The following ITPKB variants were observed in gnomAD, a reference collection of about 807,000 sequenced individuals.
ITPKB encodes IP3 3-kinase B.
Under a neutral mutation model 69.4 loss-of-function variants are expected in ITPKB, and 13 were observed. The observed-to-expected ratio is 0.19, with a 90% CI of 0.12 to 0.30. The LOEUF (loss-of-function observed/expected upper bound fraction) is 0.30, where lower values mean the gene tolerates loss of function less well. Ranked by LOEUF, ITPKB falls within the 10% of genes least tolerant of loss-of-function variation. ITPKB has a pLI of 1.00. For synonymous variants in ITPKB, 584 were observed against 513.7 expected (o/e 1.14, Z -1.85); for missense variants, 1,240 against 1,250.5 (o/e 0.99, Z 0.13).
chr1:226,669,912 C>T (rs910231489), intron 2 of ITPKB, among the ~76,000 whole-genome samples: 7 of 149,478 alleles, frequency 4.7e-5, no homozygotes, highest in African/African-American at 1.5e-4. Context: ...CTCGAACTGT[C>T]GCCCAGGCTG....
In ITPKB at chr1:226,736,938, G is replaced by A. The variant is rs1657797106; in HGVS notation, c.521C>T (p.Ser174Leu). The A allele has an allele frequency of 6.2e-7, 1 of 1,611,222 alleles. No homozygotes were observed. ...GCTGCGGAAGGGGCACGGGGAGGGC[G>A]AGCGAGCCCTGCCCAAACGCGGGCT... ...PRSPRLGRARSPSPCPFRSSS... is the reference protein window; with the variant it reads ...PRSPRLGRARLPSPCPFRSSS... Residue 174 changes from serine (S) to leucine (L), a missense_variant, in exon 2 of 8, where the codon TCG becomes TTG. Physicochemically the swap from Ser to Leu is moderately radical, Grantham distance 145. This residue lies in a region of ITPKB where 992 missense variants were observed against 853.8 expected (regional missense o/e 1.16). Coordinates refer to ENST00000429204, the MANE Select transcript of ITPKB (RefSeq NM_002221.4).
intron 2 of ITPKB, among the ~76,000 whole-genome samples, chr1:226,667,138 C>T (rs1368310838): frequency 9.2e-5 from 14 of 152,170 alleles, no homozygotes; most frequent in Non-Finnish European, 5.9e-5. Context: ...TCCCCTATAC[C>T]TCACACACGC....
rs1189440013 is a variant in ITPKB at position 226,738,510 on chromosome 1, G to A, written c.-206+531C>T. Among the ~76,000 whole-genome samples, 1 of 152,224 alleles carries A rather than the reference G, an allele frequency of 6.6e-6. No individual in the cohort carries two copies. The highest frequency in any genetic ancestry group is 1.5e-5 in the Non-Finnish European group (1 of 68,026). On this transcript the variant is annotated intron_variant, in intron 1 of 7. Transcript: ENST00000429204. The surrounding 1 kb of genome is among the most constrained non-coding windows in gnomAD (Gnocchi z 4.2). ...TGTGTGTATACGCCGCACGCGCGCG[G>A]AGCGAGTCCGCTCTCAGCGCGCCCT...
In ITPKB at chr1:226,633,963, G is replaced by A. The variant is rs1668774402; in HGVS notation, c.*708C>T. The A allele has an allele frequency of 6.6e-6, 1 of 152,300 alleles. No individual in the cohort carries two copies. The highest frequency in any genetic ancestry group is 6.5e-5 in the Admixed American group (1 of 15,284). The allele number at this position is 152,300 out of a possible 1,614,324, so 9.4% of individuals were successfully genotyped here. A position where few individuals can be genotyped will look rare whatever the true frequency, so the allele number is the denominator to read the frequency against. ...GCACAGCTTCTGCTCGCCTCCTCTG[G>A]GAAGGCCTAGATCAGAGAACACAGC... On this transcript the variant is annotated 3_prime_UTR_variant, in exon 8 of 8. Coordinates refer to ENST00000429204, the MANE Select transcript of ITPKB (RefSeq NM_002221.4).
rs1160552773 is a variant in ITPKB, at chr1:226,686,091, G to A, written c.1933-37320C>T. ...GGAATGGCAGATAAAGCGACCCCCC[G>A]CCCTAAAAGGCTTACCAGGGCACTT... On this transcript the variant is annotated intron_variant, in intron 2 of 7. Coordinates refer to ENST00000429204, the MANE Select transcript of ITPKB (RefSeq NM_002221.4). 1.3e-4 allele frequency among the ~76,000 whole-genome samples: 19 copies of A among 150,658 alleles called. 1 individual carries two copies. The highest frequency in any genetic ancestry group is 5.9e-4 in the East Asian group (3 of 5,072).
chr1:226,727,135 AATCT>A (rs1220234913), intron 2 of ITPKB, among the ~76,000 whole-genome samples: 2 of 152,232 alleles, frequency 1.3e-5, no homozygotes, highest in Admixed American at 1.3e-4. Context: ...TATTTTATTA[AATCT>A]ATCATTCAGA....
chr1:226,648,014 T>C (rs1322084315), intron 3 of ITPKB, among the ~76,000 whole-genome samples: 1 of 152,240 alleles, frequency 6.6e-6, no homozygotes, highest in Non-Finnish European at 1.5e-5. Flanking sequence ...AGGCAGCCCC[T>C]GACATGTCTC....
At chr1:226,636,184 G>T (rs1169490581) in intron 7 of ITPKB, among the ~76,000 whole-genome samples, 2 of 152,242 alleles carry the variant, frequency 1.3e-5, no homozygotes, top group African/African-American at 4.8e-5. Flanking sequence ...GGCCCCTGGG[G>T]TCAGGCAGCC....
intron 4 of ITPKB, among the ~76,000 whole-genome samples, chr1:226,646,387 A>T (rs1377444655): frequency 1.3e-5 from 2 of 152,148 alleles, no homozygotes; most frequent in Non-Finnish European, 2.9e-5. Flanking sequence ...CCGGCTGCCT[A>T]AAACTGAGCC....
At chr1:226,734,514 C>T (rs979720100) in intron 2 of ITPKB, among the ~76,000 whole-genome samples, 1 of 151,896 alleles carries the variant, frequency 6.6e-6, no homozygotes, top group East Asian at 1.9e-4. Context: ...AGACTTTCCC[C>T]CAATATAGCA....
At chr1:226,715,530 CAAT>C (rs1375909056) in intron 2 of ITPKB, among the ~76,000 whole-genome samples, 28 of 152,224 alleles carry the variant, frequency 1.8e-4, no homozygotes, top group Non-Finnish European at 1.3e-4. Context: ...AATTTTATAA[CAAT>C]GATGCCATCT....
At chr1:226,732,445 C>T (rs562026694) in intron 2 of ITPKB, among the ~76,000 whole-genome samples, 36 of 152,072 alleles carry the variant, frequency 2.4e-4, no homozygotes, top group Non-Finnish European at 4.4e-4. Flanking sequence ...ACCATGTTGG[C>T]CAGGCTGGTT....
intron 2 of ITPKB, among the ~76,000 whole-genome samples, chr1:226,663,430 G>A (rs1053892542): frequency 2.6e-5 from 4 of 152,094 alleles, no homozygotes; most frequent in Non-Finnish European, 4.4e-5. Flanking sequence ...AGGTTCTCCC[G>A]CCCACCGGGA....
chr1:226,728,377 T>C (rs4653767), intron 2 of ITPKB, among the ~76,000 whole-genome samples: 41,492 of 152,134 alleles, frequency 0.27, 5,819 homozygotes, highest in Admixed American at 0.3. Context: ...CAGTGAATTC[T>C]TAATGGAGTT....
At chr1:226,735,441 G>A (rs1421118061) in intron 2 of ITPKB, 86 bp downstream of exon 2, 3 of 1,375,402 alleles carry the variant, frequency 2.2e-6, no homozygotes, top group Non-Finnish European at 1.9e-6. Flanking sequence ...TGACTGTGTA[G>A]AAAGTTAAGA....
chr1:226,657,944 A>G (rs1459948755), intron 2 of ITPKB, among the ~76,000 whole-genome samples: 1 of 151,432 alleles, frequency 6.6e-6, no homozygotes, highest in Non-Finnish European at 1.5e-5. Context: ...ACAAAGGCCT[A>G]CTCTCCCCTC....
chr1:226,674,027 C>T (rs1383636178), intron 2 of ITPKB, among the ~76,000 whole-genome samples: 4 of 152,032 alleles, frequency 2.6e-5, no homozygotes, highest in Non-Finnish European at 5.9e-5. Context: ...TGCTCCATTT[C>T]CCCCCGATCT....
In ITPKB at chr1:226,641,550, C is replaced by T. The variant is rs1668961905; in HGVS notation, c.2451+371G>A. Among the ~76,000 whole-genome samples, 1 of 152,254 alleles carries T rather than the reference C, an allele frequency of 6.6e-6. No homozygotes were observed. Among genetic ancestry groups the T allele is most frequent in the Non-Finnish European group, 1.5e-5 (1 of 68,048 alleles). On this transcript the variant is annotated intron_variant, in intron 5 of 7. Transcript: ENST00000429204. The surrounding 1 kb of genome is among the most constrained non-coding windows in gnomAD (Gnocchi z 4.6). ...AGGCGGTCAGCATGCTCCTCCCTTC[C>T]CCGAATTGTCTGCCAGTCCCAGTTT...
In ITPKB at chr1:226,635,474, C is replaced by T. The variant is rs559380490; in HGVS notation, c.2626-588G>A. Among the ~76,000 whole-genome samples the T allele has an allele frequency of 3.3e-5, 5 of 152,318 alleles. No homozygotes were observed. In the East Asian group the frequency reaches 9.6e-4, roughly 29 times the overall value. ...CTCCTAAGCTCAAGCCATTCTCCTG[C>T]CTTGGCCTCGGAAAGTGCTGAGATT... On this transcript the variant is annotated intron_variant, in intron 7 of 7. Transcript: ENST00000429204.
Sources: gnomAD v4.1 joint callset for allele counts (sites outside exome capture counted in the v4.1 genomes callset) on GRCh38, gnomAD v4.1.1 for gene constraint, gnomAD v4.1.1 regional missense constraint, Gnocchi (gnomAD v3.1) non-coding constraint, MANE v1.5 for transcripts, NCBI Gene and HGNC (gene_info 2026-07-23, HGNC 2026-07-21) for gene names.